The following OSBPL1A variants were observed in gnomAD, a reference collection of about 807,000 sequenced individuals.
OSBPL1A encodes oxysterol binding protein like 1A, also known as oxysterol-binding protein-related protein 1.
OSBPL1A carries 80 observed loss-of-function variants against 137.1 expected under a neutral mutation model. The observed-to-expected ratio is 0.58, with a 90% CI of 0.49 to 0.70. The LOEUF (loss-of-function observed/expected upper bound fraction) is 0.70, where lower values mean the gene tolerates loss of function less well. OSBPL1A is among the 30% of genes least tolerant of loss of function. OSBPL1A has a pLI of 0.00. For missense variants in OSBPL1A, 970 were observed against 1,129.4 expected (o/e 0.86, Z 2.02); for synonymous variants, 365 against 389.7 (o/e 0.94, Z 0.75).
Position 24,172,428 on chromosome 18 carries a change from C to A in OSBPL1A, c.2149G>T (p.Val717Leu). 6.2e-7 allele frequency: 1 copy of A among 1,614,164 alleles called. No individual in the cohort carries two copies. ...NPTCCVHNIIVGKLWIEQYGN... is the reference protein window; with the variant it reads ...NPTCCVHNIILGKLWIEQYGN... ...TACTGTTCGATCCACAGTTTACCCACAATGATATTATGCACACAGCAGGTG... is the reference window on the plus strand; with the variant it reads ...TACTGTTCGATCCACAGTTTACCCAAAATGATATTATGCACACAGCAGGTG... The change falls in exon 22 of 28, where the codon GTG becomes TTG. Residue 717 changes from valine to leucine, a missense_variant. Coordinates refer to ENST00000319481, the MANE Select transcript of OSBPL1A (RefSeq NM_080597.4).
At chr18:24,315,013 C>CA (rs2090692772) in intron 11 of OSBPL1A, among the ~76,000 whole-genome samples, 1 of 152,106 alleles carries the variant, frequency 6.6e-6, no homozygotes, top group African/African-American at 2.4e-5. Flanking sequence ...AGAGGCCCCC[C>CA]ACCTGTTGCA....
At chr18:24,216,338 T>A (rs1450096646) in intron 17 of OSBPL1A, among the ~76,000 whole-genome samples, 2 of 152,196 alleles carry the variant, frequency 1.3e-5, no homozygotes, top group African/African-American at 2.4e-5. Context: ...AAACCCTGTC[T>A]GTACTAAAAT....
At position 24,250,173 on chromosome 18, in the gene OSBPL1A, TG is replaced by T. The variant is rs1567975462; in HGVS notation, c.1282-10792del. 1.4e-3 allele frequency among the ~76,000 whole-genome samples: 72 copies of T among 52,796 alleles called. 2 individuals carry two copies. Among genetic ancestry groups the T allele is most frequent in the African/African-American group, 3.0e-3 (54 of 18,260 alleles). 34.6% of individuals were successfully genotyped at this position (52,796 alleles called of 152,430 possible). On this transcript the variant is annotated intron_variant, in intron 15 of 27. Transcript: ENST00000319481. ...GTGTGTTTTTGTTTGTTTGTTTGTT[TG>T]TTTGTTTGTTTGTTTTTTTTGACAT...
intron 4 of OSBPL1A, among the ~76,000 whole-genome samples, chr18:24,363,160 C>A (rs1458391838): frequency 6.6e-6 from 1 of 152,228 alleles, no homozygotes; most frequent in Non-Finnish European, 1.5e-5. Flanking sequence ...GCTGCTATAA[C>A]AAATGACCAC....
chr18:24,273,962 G>A (rs1024113525), intron 15 of OSBPL1A, among the ~76,000 whole-genome samples: 1 of 152,092 alleles, frequency 6.6e-6, no homozygotes, highest in Non-Finnish European at 1.5e-5. Context: ...AACCGGGCAC[G>A]GTGGCTCACA....
intron 15 of OSBPL1A, among the ~76,000 whole-genome samples, chr18:24,263,538 T>TA (rs1268546985): frequency 3.9e-5 from 6 of 152,260 alleles, no homozygotes; most frequent in African/African-American, 1.4e-4. Flanking sequence ...ATTTGCCATG[T>TA]ATTTTTACTT....
rs376832322 is a variant in OSBPL1A, at chr18:24,239,299, A to G, written c.1365T>C (p.His455=). The G allele has an allele frequency of 1.2e-6, 2 of 1,614,120 alleles. No homozygotes were observed. The highest frequency in any genetic ancestry group is 2.2e-5 in the South Asian group (2 of 91,088). Residue 455 remains histidine, a synonymous_variant, in exon 16 of 28, where the codon CAT becomes CAC. Coordinates refer to ENST00000319481, the MANE Select transcript of OSBPL1A (RefSeq NM_080597.4). ...EALETLATEH[H]ELEQSLVKGS... is the part of the protein sequence containing the mutation. ...CTTTCACCAGAGACTGCTCTAATTC[A>G]TGATGTTCAGTGGCCAGCGTCTCCA... is the stretch of plus-strand genomic sequence containing the variant.
Position 24,166,645 on chromosome 18 carries a change from T to C in OSBPL1A, c.2593A>G (p.Ser865Gly), listed in dbSNP as rs1258176706. The part of the protein sequence containing the change: ...VLNEVDKDME[S>G]VIPKTDCRLR... ...CTGCAGTCTGTCTTGGGAATCACACTCTCCATGTCTTTGTCTACTTCATTC... is the reference window on the plus strand; with the variant it reads ...CTGCAGTCTGTCTTGGGAATCACACCCTCCATGTCTTTGTCTACTTCATTC... The change falls in exon 26 of 28, where the codon AGT (serine) becomes GGT (glycine). Residue 865 changes from serine (S) to glycine (G), a missense_variant. Ser to Gly is a moderately conservative substitution (Grantham distance 56). This residue lies in a region of OSBPL1A where 323 missense variants were observed against 456.8 expected (regional missense o/e 0.71). Coordinates refer to ENST00000319481, the MANE Select transcript of OSBPL1A (RefSeq NM_080597.4). 3 of 1,613,352 alleles carry C rather than the reference T, an allele frequency of 1.9e-6. No individual in the cohort carries two copies. Among genetic ancestry groups the C allele is most frequent in the Middle Eastern group, 1.6e-4 (1 of 6,082 alleles).
chr18:24,373,404 T>C (rs377322063), intron 2 of OSBPL1A, among the ~76,000 whole-genome samples: 1 of 152,214 alleles, frequency 6.6e-6, no homozygotes, highest in African/African-American at 2.4e-5. Flanking sequence ...ACATCACTCA[T>C]AGAATTTACA....
At chr18:24,246,072 C>A (rs111758542) in intron 15 of OSBPL1A, among the ~76,000 whole-genome samples, 1 of 151,826 alleles carries the variant, frequency 6.6e-6, no homozygotes, top group Non-Finnish European at 1.5e-5. Flanking sequence ...ATTAGGCAGG[C>A]GTGGTGGCAG....
rs138352072 is a variant in OSBPL1A at position 24,305,633 on chromosome 18, G to T, written c.1093-1915C>A. Among the ~76,000 whole-genome samples the T allele has an allele frequency of 6.5e-4, 99 of 152,100 alleles. No individual in the cohort carries two copies. In the East Asian group the frequency reaches 0.016, roughly 25 times the overall value. On this transcript the variant is annotated intron_variant, in intron 13 of 27. Coordinates refer to ENST00000319481, the MANE Select transcript of OSBPL1A (RefSeq NM_080597.4). ...GAGTCCAACATGGTTTCTCATTTTT[G>T]ACTTCTATGCCATTGATATTATGTC...
chr18:24,220,494 T>C (rs763757297), intron 17 of OSBPL1A, among the ~76,000 whole-genome samples: 3 of 152,206 alleles, frequency 2.0e-5, no homozygotes, highest in African/African-American at 7.2e-5. Flanking sequence ...CAGGCTCCCA[T>C]TGTCTTGGGG....
intron 16 of OSBPL1A, among the ~76,000 whole-genome samples, chr18:24,238,235 T>C (rs1182965288): frequency 1.3e-5 from 2 of 152,232 alleles, no homozygotes; most frequent in Admixed American, 6.5e-5. Context: ...CCAAGATTTC[T>C]TGCATCTGTG....
chr18:24,171,669 T>TA (rs1438572168), intron 22 of OSBPL1A, among the ~76,000 whole-genome samples, 171 bp from the exon 23 acceptor site: 4 of 152,148 alleles, frequency 2.6e-5, no homozygotes, highest in Non-Finnish European at 4.4e-5. Context: ...CTTCCCACCA[T>TA]AAAGAAAAGG....
At chr18:24,206,836 A>G (rs887933081) in intron 17 of OSBPL1A, among the ~76,000 whole-genome samples, 2 of 152,052 alleles carry the variant, frequency 1.3e-5, no homozygotes, top group Admixed American at 6.6e-5. Flanking sequence ...TATTTTCCCT[A>G]CCTTCATTCA....
At position 24,167,397 on chromosome 18, in the gene OSBPL1A, T is replaced by C. The variant is rs777024578; in HGVS notation, c.2467A>G (p.Ser823Gly). ...LDEMPVPDSE[S>G]VFIIPGSVLL... ...ACGCTTCCAGGGATAATGAATACAC[T>C]TTCAGAATCCGGCACTGGCATTTCA... Residue 823 changes from serine to glycine, a missense_variant, in exon 25 of 28, where the codon AGT (serine) becomes GGT (glycine). Ser to Gly is a moderately conservative substitution (Grantham distance 56). This residue lies in a region of OSBPL1A where 323 missense variants were observed against 456.8 expected (regional missense o/e 0.71). Transcript: ENST00000319481. 1.2e-6 allele frequency: 2 copies of C among 1,614,254 alleles called. No homozygotes were observed. The highest frequency in any genetic ancestry group is 3.3e-5 in the Admixed American group (2 of 60,034).
chr18:24,203,842 C>T (rs979041285), intron 17 of OSBPL1A, among the ~76,000 whole-genome samples: 1 of 151,810 alleles, frequency 6.6e-6, no homozygotes, highest in African/African-American at 2.4e-5. Flanking sequence ...ATACTGCACG[C>T]AAATTTGTTG....
At chr18:24,379,731 G>A (rs1906449097) in intron 1 of OSBPL1A, among the ~76,000 whole-genome samples, 1 of 151,168 alleles carries the variant, frequency 6.6e-6, no homozygotes, top group Non-Finnish European at 1.5e-5. Flanking sequence ...TTAGCCAGGT[G>A]TGGTAGGGGA....
chr18:24,267,748 T>G (rs1204384537), intron 15 of OSBPL1A, among the ~76,000 whole-genome samples: 1 of 152,006 alleles, frequency 6.6e-6, no homozygotes, highest in Non-Finnish European at 1.5e-5. Flanking sequence ...TAAAAAAAAT[T>G]TTCAACAATA....
Sources: gnomAD v4.1 joint callset for allele counts (sites outside exome capture counted in the v4.1 genomes callset) on GRCh38, gnomAD v4.1.1 for gene constraint, gnomAD v4.1.1 regional missense constraint, MANE v1.5 for transcripts, NCBI Gene and HGNC (gene_info 2026-07-23, HGNC 2026-07-21) for gene names.